Variants in SFI1 observed in about 807,000 individuals in gnomAD.
SFI1 encodes protein SFI1 homolog.
In SFI1, 195 loss-of-function variants were observed where a neutral mutation model predicts 207.5. The observed-to-expected ratio is 0.94, with a 90% confidence interval of 0.84 to 1.06. The LOEUF is 1.06. SFI1 is among the 50% of genes least tolerant of loss of function. The pLI, the probability that SFI1 is intolerant of heterozygous loss-of-function variation, is 0.00. For missense variants in SFI1, 1,634 were observed against 1,588.0 expected (o/e 1.03, Z -0.49); for synonymous variants, 630 against 598.9 (o/e 1.05, Z -0.76).
At chr22:31,513,582 G>A (rs1017134543) in intron 2 of SFI1, among the ~76,000 whole-genome samples, 2 of 150,316 alleles carry the variant, frequency 1.3e-5, no homozygotes, top group Non-Finnish European at 3.0e-5. Flanking sequence ...GTTTTGTTTT[G>A]TTTTGTTTTA....
intron 8 of SFI1, among the ~76,000 whole-genome samples, chr22:31,568,204 GTGTGTGTATATATATATA>G (rs1569333940): frequency 2.2e-5 from 3 of 139,064 alleles, no homozygotes; most frequent in Admixed American, 7.2e-5. Context: ...TTGTGTGTGT[GTGTGTGTATATATATATA>G]TATATTTTTT....
chr22:31,557,512 A>G (rs547084055), intron 7 of SFI1, among the ~76,000 whole-genome samples: 29 of 152,260 alleles, frequency 1.9e-4, no homozygotes, highest in African/African-American at 6.5e-4. Flanking sequence ...AATATTTTGA[A>G]CATAGTTGAT....
intron 17 of SFI1, among the ~76,000 whole-genome samples, chr22:31,603,247 G>T (rs1020000725): frequency 6.6e-6 from 1 of 151,938 alleles, no homozygotes; most frequent in African/African-American, 2.4e-5. Flanking sequence ...GAACAAAAGT[G>T]ACCATAGCCA....
chr22:31,559,395 C>A, intron 7 of SFI1: 1 of 315,170 alleles, frequency 3.2e-6, no homozygotes, highest in East Asian at 8.4e-5. Context: ...TCCACTGCAC[C>A]CTGGGCAACA....
chr22:31,545,339 T>C (rs998571132), intron 4 of SFI1, among the ~76,000 whole-genome samples: 4 of 149,956 alleles, frequency 2.7e-5, no homozygotes, highest in Non-Finnish European at 4.4e-5. Context: ...CTCTCCAACC[T>C]GGGCAACAAG....
At chr22:31,560,699 G>A (rs2061607510) in intron 7 of SFI1, among the ~76,000 whole-genome samples, 1 of 141,148 alleles carries the variant, frequency 7.1e-6, no homozygotes, top group Non-Finnish European at 1.5e-5. Context: ...CACCACGCCT[G>A]GCCTTTTTTT....
At position 31,613,953 on chromosome 22, in the gene SFI1, C is replaced by T. The variant is rs2070864519; in HGVS notation, c.2996+98C>T. 3 of 1,413,800 alleles carry T rather than the reference C, an allele frequency of 2.1e-6. No individual in the cohort carries two copies. In the East Asian group the frequency reaches 7.2e-5, roughly 34 times the overall value. The allele number at this position is 1,413,800 out of a possible 1,614,324, so 87.6% of individuals were successfully genotyped here. On this transcript the variant is annotated intron_variant, in intron 27 of 32. Transcript: ENST00000400288. ...AACAGCCCTGACGGGATGGGACGGG[C>T]TGGTCACGGCCTTGTCACAGCTGAG... is the stretch of plus-strand genomic sequence containing the variant.
chr22:31,583,723 G>A, intron 12 of SFI1, 152 bp from the exon 13 acceptor site: 1 of 699,088 alleles, frequency 1.4e-6, no homozygotes, highest in Non-Finnish European at 2.6e-6. Flanking sequence ...CTCTATAGTT[G>A]AGCCCTCATT....
Position 31,550,343 on chromosome 22 carries a change from T to G in SFI1, c.539T>G (p.Val180Gly). The change falls in exon 6 of 33, where the codon GTT (valine) becomes GGT (glycine). Residue 180 changes from valine to glycine, a missense_variant. Coordinates refer to ENST00000400288, the MANE Select transcript of SFI1 (RefSeq NM_001007467.3). ...AGGAACAAGTACATTAGAGCCGAGG[T>G]TCATGGTGAGAAAAAGAAGTCCATG... ...EMRNKYIRAEVHDAKQKMRQA... is the reference protein window; with the variant it reads ...EMRNKYIRAEGHDAKQKMRQA... The G allele has an allele frequency of 6.2e-7, 1 of 1,613,786 alleles. No homozygotes were observed. Among genetic ancestry groups the G allele is most frequent in the East Asian group, 2.2e-5 (1 of 44,884 alleles).
At chr22:31,610,915 A>G (rs890309074) in intron 22 of SFI1, among the ~76,000 whole-genome samples, 2 of 152,228 alleles carry the variant, frequency 1.3e-5, no homozygotes, top group Non-Finnish European at 2.9e-5. Flanking sequence ...TGGGGAGCAC[A>G]ACAGTAAACA....
intron 24 of SFI1, chr22:31,612,426 T>TATATATATATATATATATATATAA (rs1491348905): frequency 1.8e-4 from 18 of 99,880 alleles, no homozygotes; most frequent in East Asian, 9.9e-4. Context: ...TATATATATA[T>TATATATATATATATATATATATAA]AATCAGTGGG....
intron 1 of SFI1, among the ~76,000 whole-genome samples, chr22:31,507,951 C>T (rs900241517): frequency 6.6e-6 from 1 of 152,034 alleles, no homozygotes; most frequent in African/African-American, 2.4e-5. Context: ...TGGCAGGTAC[C>T]TGTAATCCCA....
chr22:31,558,899 C>T (rs2061416823), intron 7 of SFI1, among the ~76,000 whole-genome samples: 1 of 152,168 alleles, frequency 6.6e-6, no homozygotes, highest in African/African-American at 2.4e-5. Context: ...TGACTGCAAG[C>T]TCTGCTTCCT....
intron 7 of SFI1, among the ~76,000 whole-genome samples, chr22:31,558,960 C>T (rs1310499689): frequency 1.3e-5 from 2 of 152,068 alleles, no homozygotes; most frequent in Non-Finnish European, 2.9e-5. Context: ...GGGATTACAC[C>T]ATACCTAGCT....
At chr22:31,617,489 G>A (rs189114319) in intron 31 of SFI1, among the ~76,000 whole-genome samples, 1,623 of 152,280 alleles carry the variant, frequency 0.011, 8 homozygotes, top group Middle Eastern at 0.031. Context: ...GAGAGGCTGT[G>A]ATCCAGGCAG....
intron 18 of SFI1, 96 bp from the exon 19 acceptor site, chr22:31,604,213 C>A: frequency 2.2e-6 from 2 of 924,316 alleles, no homozygotes; most frequent in Non-Finnish European, 3.4e-6. Context: ...GGTTAATTTA[C>A]ACTCACACAG....
intron 1 of SFI1, among the ~76,000 whole-genome samples, chr22:31,496,872 C>T (rs887402403): frequency 1.3e-5 from 2 of 152,240 alleles, no homozygotes; most frequent in Non-Finnish European, 2.9e-5. Context: ...CCTCTCCCGC[C>T]GCGTCTTCTC....
chr22:31,596,108 C>G (rs570619636), intron 15 of SFI1, among the ~76,000 whole-genome samples: 1 of 152,006 alleles, frequency 6.6e-6, no homozygotes, highest in Non-Finnish European at 1.5e-5. Flanking sequence ...CAAAAATTAG[C>G]GGGGCGTGGT....
chr22:31,580,769 C>T (rs1222255278), intron 12 of SFI1, among the ~76,000 whole-genome samples: 2 of 152,068 alleles, frequency 1.3e-5, no homozygotes, highest in African/African-American at 4.8e-5. Context: ...TCTCGAACTC[C>T]TGACTTCAGA....
Sources: allele counts gnomAD v4.1 joint callset (sites outside exome capture counted in the v4.1 genomes callset), GRCh38; gene constraint gnomAD v4.1.1; transcripts MANE v1.5; gene names NCBI Gene and HGNC (gene_info 2026-07-23, HGNC 2026-07-21).